MACROD2: variants seen among roughly 807,000 people sequenced by gnomAD.
The protein encoded by MACROD2 is mono-ADP ribosylhydrolase 2, also known as ADP-ribose glycohydrolase MACROD2.
A neutral mutation model predicts 70.4 loss-of-function variants in MACROD2; 36 were observed. The observed-to-expected ratio is 0.51, with a 90% CI of 0.39 to 0.68. The LOEUF is 0.68. Ranked by LOEUF, MACROD2 falls within the 30% of genes least tolerant of loss-of-function variation. The probability of loss-of-function intolerance (pLI) is 0.00; values close to 1 mark genes in which losing one functional copy is unlikely to be tolerated. For missense variants in MACROD2, 496 were observed against 538.4 expected (o/e 0.92, Z 0.78); for synonymous variants, 172 against 178.8 (o/e 0.96, Z 0.30).
intron 2 of MACROD2, among the ~76,000 whole-genome samples, chr20:14,066,621 C>T (rs2053760705): frequency 6.6e-6 from 1 of 152,058 alleles, no homozygotes; most frequent in African/African-American, 2.4e-5. Context: ...ACAAAATTTT[C>T]ATGAAACAAT....
chr20:15,793,193 T>C (rs770793859), intron 8 of MACROD2, among the ~76,000 whole-genome samples: 5 of 152,160 alleles, frequency 3.3e-5, no homozygotes, highest in Non-Finnish European at 7.4e-5. Flanking sequence ...TGAACTCCGA[T>C]TGCCTTTGTG....
intron 3 of MACROD2, among the ~76,000 whole-genome samples, chr20:14,141,298 C>G (rs1459324287): frequency 6.6e-6 from 1 of 152,136 alleles, no homozygotes; most frequent in Non-Finnish European, 1.5e-5. Context: ...CCAGTTTTCT[C>G]TATGGTGCAG....
intron 3 of MACROD2, among the ~76,000 whole-genome samples, chr20:14,456,809 C>T (rs1302641428): frequency 6.7e-6 from 1 of 149,890 alleles, no homozygotes; most frequent in African/African-American, 2.5e-5. Context: ...CCCCGCCTCC[C>T]GGGTTCACGC....
chr20:15,209,112 G>A (rs1273583488), intron 5 of MACROD2, among the ~76,000 whole-genome samples: 2 of 115,552 alleles, frequency 1.7e-5, no homozygotes, highest in Non-Finnish European at 3.9e-5. Context: ...GGTGGTGGTG[G>A]TGGTATTTAT....
rs371961407 is a variant in MACROD2, at chr20:15,978,397, A to C, written c.986-8330A>C. ...TGAGAAACGTGGATAAACCTAAGTT[A>C]CACCCTCTTGTAAATTCCTATATTG... On this transcript the variant is annotated intron_variant, in intron 13 of 17. Coordinates refer to ENST00000684519, the MANE Select transcript of MACROD2 (RefSeq NM_001351661.2). 5.7e-4 allele frequency among the ~76,000 whole-genome samples: 87 copies of C among 152,246 alleles called. 3 individuals are homozygous for C. In the South Asian group the frequency reaches 0.017, roughly 30 times the overall value.
At chr20:14,349,562 T>C (rs1450461214) in intron 3 of MACROD2, among the ~76,000 whole-genome samples, 1 of 58,506 alleles carries the variant, frequency 1.7e-5, no homozygotes, top group Non-Finnish European at 5.9e-5. Flanking sequence ...ATATTAACAT[T>C]ATATATATAT....
chr20:15,510,930 G>A (rs1600514223), intron 8 of MACROD2, among the ~76,000 whole-genome samples: 1 of 152,204 alleles, frequency 6.6e-6, no homozygotes, highest in Non-Finnish European at 1.5e-5. Context: ...TCATTTGCAA[G>A]AAGCAGAGAA....
At chr20:15,352,589 A>C (rs993496104) in intron 6 of MACROD2, among the ~76,000 whole-genome samples, 8 of 152,306 alleles carry the variant, frequency 5.3e-5, no homozygotes, top group Non-Finnish European at 7.3e-5. Flanking sequence ...CATATTTTTA[A>C]ATAATACATT....
chr20:15,497,301 C>A (rs1413648101), intron 7 of MACROD2, among the ~76,000 whole-genome samples: 1 of 151,376 alleles, frequency 6.6e-6, no homozygotes, highest in Non-Finnish European at 1.5e-5. Flanking sequence ...CCTTCTCCTT[C>A]TTTTTTTTTG....
chr20:15,976,114 A>G (rs1032283771), intron 13 of MACROD2, among the ~76,000 whole-genome samples: 1 of 152,206 alleles, frequency 6.6e-6, no homozygotes, highest in Admixed American at 6.5e-5. Context: ...ATAAAATTAT[A>G]TTGTTGTTGC....
At chr20:14,091,408 A>G (rs1211060873) in intron 3 of MACROD2, among the ~76,000 whole-genome samples, 1 of 152,180 alleles carries the variant, frequency 6.6e-6, no homozygotes, top group Non-Finnish European at 1.5e-5. Flanking sequence ...AGGTTTTGAG[A>G]TTTATCTCAT....
At chr20:14,244,534 C>A (rs1231226476) in intron 3 of MACROD2, among the ~76,000 whole-genome samples, 1 of 152,174 alleles carries the variant, frequency 6.6e-6, no homozygotes, top group Non-Finnish European at 1.5e-5. Context: ...TGGAACCTGG[C>A]ATGAAGATCC....
chr20:14,253,417 A>G (rs927858866), intron 3 of MACROD2, among the ~76,000 whole-genome samples: 39 of 152,190 alleles, frequency 2.6e-4, no homozygotes, highest in African/African-American at 8.2e-4. Flanking sequence ...CAATATGACT[A>G]GAGTGTGTTT....
At chr20:14,014,748 C>T (rs968274191) in intron 2 of MACROD2, among the ~76,000 whole-genome samples, 3 of 151,998 alleles carry the variant, frequency 2.0e-5, no homozygotes, top group Admixed American at 6.6e-5. Flanking sequence ...CTTCAATAAC[C>T]GAATACATCT....
intron 5 of MACROD2, among the ~76,000 whole-genome samples, chr20:14,863,023 C>T (rs958350639): frequency 7.2e-5 from 11 of 151,848 alleles, no homozygotes; most frequent in African/African-American, 1.7e-4. Flanking sequence ...CATGAAGCCA[C>T]GCTATAGTTT....
intron 5 of MACROD2, among the ~76,000 whole-genome samples, chr20:14,986,851 G>A (rs1353086400): frequency 6.6e-6 from 1 of 152,032 alleles, no homozygotes; most frequent in East Asian, 1.9e-4. Flanking sequence ...CTTGTTCAAA[G>A]GCAAAGGCAA....
intron 3 of MACROD2, among the ~76,000 whole-genome samples, chr20:14,122,760 G>A (rs1039468646): frequency 2.6e-5 from 4 of 152,156 alleles, no homozygotes; most frequent in African/African-American, 7.2e-5. Context: ...AACAACTATA[G>A]AATGCTTCCA....
At chr20:15,615,985 A>T (rs1446360960) in intron 8 of MACROD2, among the ~76,000 whole-genome samples, 2 of 152,082 alleles carry the variant, frequency 1.3e-5, no homozygotes, top group Non-Finnish European at 2.9e-5. Flanking sequence ...TTCCAGGCAG[A>T]TCGTAGGCCA....
At chr20:15,810,932 C>T (rs367948826) in intron 8 of MACROD2, among the ~76,000 whole-genome samples, 32,121 of 147,274 alleles carry the variant, frequency 0.22, 3,976 homozygotes, top group African/African-American at 0.37. Context: ...ATACAAAAAT[C>T]AATTCAAGAT....
Sources: gnomAD v4.1 joint callset for allele counts (sites outside exome capture counted in the v4.1 genomes callset) on GRCh38, gnomAD v4.1.1 for gene constraint, MANE v1.5 for transcripts, NCBI Gene and HGNC (gene_info 2026-07-23, HGNC 2026-07-21) for gene names.